KCNQ3: variants seen among roughly 807,000 people sequenced by gnomAD.
KCNQ3 encodes the protein potassium voltage-gated channel subfamily Q member 3.
KCNQ3 carries 30 observed loss-of-function variants against 92.5 expected under a neutral mutation model. That is an observed-to-expected ratio of 0.32 (90% confidence interval 0.24 to 0.44). The LOEUF is 0.44. Among genes scored for constraint, KCNQ3 ranks in the 20% least tolerant of loss-of-function variants. The pLI, the probability that KCNQ3 is intolerant of heterozygous loss-of-function variation, is 1.00. For missense variants in KCNQ3, 913 were observed against 1,140.3 expected (o/e 0.80, Z 2.87); for synonymous variants, 450 against 468.8 (o/e 0.96, Z 0.52).
intron 1 of KCNQ3, among the ~76,000 whole-genome samples, chr8:132,286,643 C>A (rs1816686411): frequency 6.6e-6 from 1 of 152,218 alleles, no homozygotes; most frequent in South Asian, 2.1e-4. Flanking sequence ...GGATGGATGA[C>A]TTTTGCACGT....
chr8:132,321,453 CGCTTCCTCCCTCT>C (rs1817890523), intron 1 of KCNQ3: 1 of 152,698 alleles, frequency 6.5e-6, no homozygotes, highest in Admixed American at 6.5e-5. Context: ...ACCTGAAACA[CGCTTCCTCCCTCT>C]GCTTCCTCAT....
chr8:132,334,205 G>T (rs1009585897), intron 1 of KCNQ3, among the ~76,000 whole-genome samples: 1 of 151,946 alleles, frequency 6.6e-6, no homozygotes, highest in Non-Finnish European at 1.5e-5. Context: ...GTTGTGGCCG[G>T]GTGTGGTGAC....
chr8:132,469,905 T>C (rs1467761609), intron 1 of KCNQ3, among the ~76,000 whole-genome samples: 1 of 151,900 alleles, frequency 6.6e-6, no homozygotes, highest in African/African-American at 2.4e-5. Context: ...AGGCATCACT[T>C]GGACAAACAG....
At chr8:132,266,583 G>A (rs1001982668) in intron 1 of KCNQ3, among the ~76,000 whole-genome samples, 6 of 152,084 alleles carry the variant, frequency 3.9e-5, no homozygotes, top group Non-Finnish European at 7.4e-5. Context: ...TGGATCCAGT[G>A]CATCAGACTT....
intron 1 of KCNQ3, among the ~76,000 whole-genome samples, chr8:132,451,944 G>T (rs1821829159): frequency 2.6e-5 from 4 of 152,156 alleles, no homozygotes; most frequent in Admixed American, 2.6e-4. Flanking sequence ...TTCAAATGAA[G>T]TTCTTTTTTT....
At chr8:132,284,327 C>T (rs572583036) in intron 1 of KCNQ3, among the ~76,000 whole-genome samples, 3 of 152,120 alleles carry the variant, frequency 2.0e-5, no homozygotes, top group African/African-American at 7.2e-5. Context: ...TTAAGTTATA[C>T]CTCAGAAAGA....
intron 1 of KCNQ3, among the ~76,000 whole-genome samples, chr8:132,317,629 G>A (rs956817217): frequency 4.6e-5 from 7 of 152,098 alleles, no homozygotes; most frequent in African/African-American, 9.7e-5. Context: ...GCATCATCTC[G>A]GTCAGTCACA....
intron 1 of KCNQ3, among the ~76,000 whole-genome samples, chr8:132,286,910 G>A (rs918012659): frequency 6.6e-6 from 1 of 152,108 alleles, no homozygotes; most frequent in Non-Finnish European, 1.5e-5. Context: ...CTCCCATTTT[G>A]CTCACTTTAC....
chr8:132,460,178 C>A (rs2130857545), intron 1 of KCNQ3, among the ~76,000 whole-genome samples: 1 of 152,220 alleles, frequency 6.6e-6, no homozygotes, highest in Admixed American at 6.5e-5. Flanking sequence ...CCTTTTTGTG[C>A]AGAATGGTTT....
At chr8:132,208,767 C>T (rs1001128156) in intron 1 of KCNQ3, among the ~76,000 whole-genome samples, 2 of 152,142 alleles carry the variant, frequency 1.3e-5, no homozygotes, top group Non-Finnish European at 2.9e-5. Flanking sequence ...AATCAAAAGA[C>T]TTCTTAGAGC....
At chr8:132,406,593 ACACT>A (rs745860890) in intron 1 of KCNQ3, among the ~76,000 whole-genome samples, 2 of 152,118 alleles carry the variant, frequency 1.3e-5, no homozygotes, top group Non-Finnish European at 2.9e-5. Context: ...ACACAGGCAC[ACACT>A]CAGCACACAG....
chr8:132,339,750 T>A (rs1818465657), intron 1 of KCNQ3, among the ~76,000 whole-genome samples: 1 of 152,132 alleles, frequency 6.6e-6, no homozygotes, highest in South Asian at 2.1e-4. Context: ...TTGCCATCAC[T>A]ATGAAGTCCA....
At chr8:132,246,197 CA>C (rs1298965466) in intron 1 of KCNQ3, among the ~76,000 whole-genome samples, 3 of 152,158 alleles carry the variant, frequency 2.0e-5, no homozygotes, top group Non-Finnish European at 4.4e-5. Flanking sequence ...TATTCTTGTG[CA>C]AGTGCCCAGA....
intron 1 of KCNQ3, chr8:132,187,056 T>G (rs1364179427): frequency 7.5e-6 from 3 of 398,718 alleles, no homozygotes; most frequent in Non-Finnish European, 5.0e-6. Flanking sequence ...TGGAGAGTCT[T>G]TGGCTTAGTT....
At chr8:132,132,612 G>C (rs1359425917) in intron 13 of KCNQ3, among the ~76,000 whole-genome samples, 1 of 152,172 alleles carries the variant, frequency 6.6e-6, no homozygotes, top group Non-Finnish European at 1.5e-5. Context: ...TTCATTCTTA[G>C]ATTTGAGATC....
chr8:132,290,298 G>T (rs1237873724), intron 1 of KCNQ3, among the ~76,000 whole-genome samples: 1 of 152,184 alleles, frequency 6.6e-6, no homozygotes, highest in Non-Finnish European at 1.5e-5. Flanking sequence ...GGAGGAGATG[G>T]TAGGGGATGA....
intron 1 of KCNQ3, among the ~76,000 whole-genome samples, chr8:132,405,972 G>A (rs1433979174): frequency 5.9e-5 from 9 of 152,176 alleles, no homozygotes; most frequent in African/African-American, 2.2e-4. Flanking sequence ...GTCAGCCACA[G>A]AGAACAACAA....
intron 11 of KCNQ3, among the ~76,000 whole-genome samples, chr8:132,139,855 A>G (rs970778953): frequency 3.5e-4 from 54 of 152,260 alleles, no homozygotes; most frequent in African/African-American, 1.3e-3. Flanking sequence ...ATAACAAGGC[A>G]GGTACCTACG....
At chr8:132,186,989 A>T (rs1274278292) in intron 1 of KCNQ3, among the ~76,000 whole-genome samples, 1 of 146,030 alleles carries the variant, frequency 6.8e-6, no homozygotes, top group Non-Finnish European at 1.5e-5. Flanking sequence ...AGAGAGAGAG[A>T]GTGAGAGACA....
Sources: gnomAD v4.1 joint callset for allele counts (sites outside exome capture counted in the v4.1 genomes callset) on GRCh38, gnomAD v4.1.1 for gene constraint, MANE v1.5 for transcripts, NCBI Gene and HGNC (gene_info 2026-07-23, HGNC 2026-07-21) for gene names.